Variants in ITFG1 observed in about 807,000 individuals in gnomAD.
ITFG1 encodes integrin alpha FG-GAP repeat containing 1.
A neutral mutation model predicts 81.8 loss-of-function variants in ITFG1; 34 were observed. The ratio of observed to expected loss-of-function variants is 0.42; its 90% CI spans 0.32 to 0.55. The LOEUF is 0.55. Among genes scored for constraint, ITFG1 ranks in the 20% least tolerant of loss-of-function variants. The pLI is 0.17. For synonymous variants in ITFG1, 285 were observed against 270.6 expected, an observed-to-expected ratio of 1.05 and a Z score of -0.52; for missense variants, 672 against 755.4, an observed-to-expected ratio of 0.89 and a Z score of 1.29.
intron 10 of ITFG1, among the ~76,000 whole-genome samples, chr16:47,275,937 C>T (rs368498065): frequency 5.5e-4 from 84 of 152,132 alleles, no homozygotes; most frequent in African/African-American, 1.9e-3. Flanking sequence ...TTAAGTCATA[C>T]ATGGTTCTGT....
chr16:47,295,234 G>A (rs1366967631), intron 10 of ITFG1, among the ~76,000 whole-genome samples: 1 of 152,144 alleles, frequency 6.6e-6, no homozygotes, highest in Non-Finnish European at 1.5e-5. Context: ...CTAGTATTAT[G>A]TTGAGGATTT....
intron 2 of ITFG1, among the ~76,000 whole-genome samples, chr16:47,454,443 T>C (rs1969427084): frequency 6.6e-6 from 1 of 152,222 alleles, no homozygotes; most frequent in African/African-American, 2.4e-5. Flanking sequence ...ATAGCCCTTC[T>C]ATATAGTTCC....
At chr16:47,221,965 T>G (rs1401892683) in intron 13 of ITFG1, among the ~76,000 whole-genome samples, 2 of 152,218 alleles carry the variant, frequency 1.3e-5, no homozygotes, top group Non-Finnish European at 2.9e-5. Flanking sequence ...TCTATTTGAT[T>G]CTTCTCTCTT....
intron 14 of ITFG1, among the ~76,000 whole-genome samples, chr16:47,203,225 G>A (rs185333518): frequency 1.8e-3 from 269 of 152,324 alleles, no homozygotes; most frequent in Middle Eastern, 0.01. Flanking sequence ...TTTATGCTAA[G>A]TGAAATAAAC....
At chr16:47,254,247 A>G (rs1966114831) in intron 12 of ITFG1, among the ~76,000 whole-genome samples, 1 of 152,120 alleles carries the variant, frequency 6.6e-6, no homozygotes. Context: ...GTAAATGAAT[A>G]AATGCCAAGG....
At chr16:47,166,500 C>T (rs754197088) in intron 14 of ITFG1, among the ~76,000 whole-genome samples, 2 of 151,998 alleles carry the variant, frequency 1.3e-5, no homozygotes, top group Non-Finnish European at 2.9e-5. Flanking sequence ...AGTATTTAGT[C>T]ATCATGAAAA....
chr16:47,242,909 G>T (rs3095627), intron 12 of ITFG1, among the ~76,000 whole-genome samples: 73,719 of 151,950 alleles, frequency 0.49, 18,278 homozygotes, highest in East Asian at 0.72. Context: ...GCATGTTTCT[G>T]GATCTGCGTG....
chr16:47,326,895 G>C lies in ITFG1; in HGVS notation c.803-13072C>G, dbSNP rs543411792. Among the ~76,000 whole-genome samples, 5 of 151,984 alleles carry C rather than the reference G, an allele frequency of 3.3e-5. No individual in the cohort carries two copies. In the East Asian group the frequency reaches 5.8e-4, roughly 18 times the overall value. ...AATCAATATCGTGAAAATGGCCATA[G>C]TGCCCAAGGTAATTTATAGATTCAA... On this transcript the variant is annotated intron_variant, in intron 8 of 17. Transcript: ENST00000320640.
intron 10 of ITFG1, among the ~76,000 whole-genome samples, chr16:47,310,509 A>G (rs1385076355): frequency 6.6e-6 from 1 of 152,228 alleles, no homozygotes; most frequent in Admixed American, 6.5e-5. Context: ...TCAGGATTCA[A>G]GCTAATTATG....
intron 12 of ITFG1, among the ~76,000 whole-genome samples, chr16:47,249,820 T>C (rs892524182): frequency 6.6e-6 from 1 of 152,198 alleles, no homozygotes; most frequent in African/African-American, 2.4e-5. Context: ...ATTCAGTTTA[T>C]ATTAGCTATT....
intron 14 of ITFG1, chr16:47,196,250 C>A (rs971972420): frequency 2.7e-5 from 4 of 149,698 alleles, no homozygotes; most frequent in African/African-American, 9.9e-5. Context: ...GTCTGAGCAA[C>A]CCGAACCTGT....
At chr16:47,397,403 G>C (rs994770150) in intron 6 of ITFG1, among the ~76,000 whole-genome samples, 5 of 152,098 alleles carry the variant, frequency 3.3e-5, no homozygotes, top group African/African-American at 4.8e-5. Context: ...AACAAGATAA[G>C]TAAGCAAAAA....
intron 1 of ITFG1, 79 bp from the exon 2 acceptor site, chr16:47,459,254 G>C: frequency 1.1e-6 from 1 of 944,570 alleles, no homozygotes; most frequent in Non-Finnish European, 1.7e-6. Context: ...AAGGTTTCTG[G>C]GCACTGTTCT....
At chr16:47,205,919 G>A (rs938644568) in intron 14 of ITFG1, among the ~76,000 whole-genome samples, 6 of 151,894 alleles carry the variant, frequency 4.0e-5, no homozygotes, top group African/African-American at 1.5e-4. Context: ...AGGCTGGAGT[G>A]CAGTGGCATG....
intron 8 of ITFG1, among the ~76,000 whole-genome samples, chr16:47,357,980 T>C (rs1285288708): frequency 6.6e-6 from 1 of 152,200 alleles, no homozygotes; most frequent in Non-Finnish European, 1.5e-5. Context: ...CAGAGAAGTC[T>C]TTGCTACAAG....
chr16:47,305,701 T>C (rs1967147246), intron 10 of ITFG1, among the ~76,000 whole-genome samples: 1 of 152,104 alleles, frequency 6.6e-6, no homozygotes, highest in African/African-American at 2.4e-5. Flanking sequence ...AAAGTGAATA[T>C]CAGAATTTAA....
intron 14 of ITFG1, among the ~76,000 whole-genome samples, chr16:47,182,157 G>C (rs1965133477): frequency 6.9e-6 from 1 of 145,822 alleles, no homozygotes; most frequent in African/African-American, 2.6e-5. Flanking sequence ...CCCTCTGCGA[G>C]AAACATCCAA....
At chr16:47,328,214 C>T (rs879181961) in intron 8 of ITFG1, among the ~76,000 whole-genome samples, 4 of 151,994 alleles carry the variant, frequency 2.6e-5, no homozygotes, top group African/African-American at 4.8e-5. Flanking sequence ...AGGAAACTAT[C>T]GCAAGGTCAA....
intron 14 of ITFG1, among the ~76,000 whole-genome samples, chr16:47,177,305 A>G (rs1398611210): frequency 6.6e-6 from 1 of 152,120 alleles, no homozygotes; most frequent in Non-Finnish European, 1.5e-5. Context: ...CTATACAATT[A>G]TCATACTCCC....
Sources: gnomAD v4.1 joint callset for allele counts (sites outside exome capture counted in the v4.1 genomes callset) on GRCh38, gnomAD v4.1.1 for gene constraint, MANE v1.5 for transcripts, NCBI Gene and HGNC (gene_info 2026-07-23, HGNC 2026-07-21) for gene names.